The following GSE1 variants were observed in gnomAD, a reference collection of about 807,000 sequenced individuals.
GSE1 encodes genetic suppressor element 1.
GSE1 carries 32 observed loss-of-function variants against 112.6 expected under a neutral mutation model. The ratio of observed to expected loss-of-function variants is 0.28; its 90% confidence interval spans 0.21 to 0.38. GSE1 has a LOEUF of 0.38. Among genes scored for constraint, GSE1 ranks in the 10% least tolerant of loss-of-function variants. The probability of loss-of-function intolerance (pLI) is 1.00; values close to 1 mark genes in which losing one functional copy is unlikely to be tolerated. For synonymous variants in GSE1, 1,115 were observed against 735.6 expected (o/e 1.52, Z -8.35); for missense variants, 2,348 against 1,699.2 (o/e 1.38, Z -6.71).
At chr16:85,449,426 A>G (rs1431254699) in intron 2 of GSE1, among the ~76,000 whole-genome samples, 1 of 152,258 alleles carries the variant, frequency 6.6e-6, no homozygotes, top group Non-Finnish European at 1.5e-5. Flanking sequence ...GGGGCGGGGA[A>G]GATCAGAGCC....
At chr16:85,592,228 T>TCTTG (rs2047033649) in intron 1 of GSE1, 1 of 152,036 alleles carries the variant, frequency 6.6e-6, no homozygotes, top group South Asian at 2.1e-4. Flanking sequence ...CGTGGCATGA[T>TCTTG]CTTGGCTCAC....
intron 2 of GSE1, among the ~76,000 whole-genome samples, chr16:85,473,610 C>T (rs2050362791): frequency 6.6e-6 from 1 of 152,184 alleles, no homozygotes. Flanking sequence ...CGCTTTGTCT[C>T]CTTTTCTTGT....
chr16:85,532,419 C>T (rs1175281243), intron 2 of GSE1, among the ~76,000 whole-genome samples: 1 of 152,160 alleles, frequency 6.6e-6, no homozygotes, highest in Admixed American at 6.5e-5. Context: ...CGCCACCACG[C>T]CAGGCTAAAC....
intron 1 of GSE1, among the ~76,000 whole-genome samples, chr16:85,339,928 C>G (rs72809701): frequency 0.23 from 34,491 of 152,116 alleles, 4,114 homozygotes; most frequent in Non-Finnish European, 0.24. Flanking sequence ...GTGCCAAGAA[C>G]GGTGCTTGGC....
intron 1 of GSE1, among the ~76,000 whole-genome samples, chr16:85,617,485 A>G (rs1198051455): frequency 2.0e-5 from 3 of 151,172 alleles, no homozygotes; most frequent in African/African-American, 7.3e-5. Context: ...TCCTGGCTGC[A>G]CTTTTGAATC....
At chr16:85,472,582 C>G (rs2050328558) in intron 2 of GSE1, among the ~76,000 whole-genome samples, 1 of 152,186 alleles carries the variant, frequency 6.6e-6, no homozygotes, top group Admixed American at 6.5e-5. Context: ...ACGGGGTGAC[C>G]ATGCATTATG....
rs536499734 is a variant in GSE1, at chr16:85,615,061, G to A, written c.7+1663G>A. ...CGCCTCCCGGCAGGGGTGGAAGGGG[G>A]AACCCAGGTGAGCAGCCTTCCCTGG... On this transcript the variant is annotated intron_variant, in intron 1 of 15. Transcript: ENST00000253458. 5.3e-5 allele frequency among the ~76,000 whole-genome samples: 8 copies of A among 152,348 alleles called. No individual in the cohort carries two copies. In the East Asian group the frequency reaches 9.7e-4, roughly 18 times the overall value.
intron 1 of GSE1, among the ~76,000 whole-genome samples, chr16:85,321,560 G>C (rs2046107382): frequency 6.6e-6 from 1 of 152,116 alleles, no homozygotes; most frequent in African/African-American, 2.4e-5. Context: ...TTTGAGCCCG[G>C]GGGAGTTTGA....
intron 2 of GSE1, among the ~76,000 whole-genome samples, chr16:85,644,275 G>C (rs1049061339): frequency 6.6e-6 from 1 of 151,668 alleles, no homozygotes; most frequent in Non-Finnish European, 1.5e-5. Context: ...GGAGGTTGAG[G>C]CTGCAGTGAG....
chr16:85,648,028 G>A (rs1483677188), intron 2 of GSE1, among the ~76,000 whole-genome samples: 1 of 151,860 alleles, frequency 6.6e-6, no homozygotes, highest in Admixed American at 6.6e-5. Flanking sequence ...GAGGCTTGGG[G>A]TCTCTGCTGC....
chr16:85,314,602 A>G (rs1363938676), intron 1 of GSE1, among the ~76,000 whole-genome samples: 1 of 152,138 alleles, frequency 6.6e-6, no homozygotes, highest in Non-Finnish European at 1.5e-5. Context: ...ACACACCCAC[A>G]GGCTCCCTCC....
Position 85,255,069 on chromosome 16 carries a change from G to C in GSE1, c.2283+83262G>C, listed in dbSNP as rs1318748552. The stretch of plus-strand genomic sequence containing the variant: ...CCCACCGGATCCCGGTGCCGGAGCA[G>C]ATGGGCCCAGAGAGGGAGGCGGCGG... On this transcript the variant is annotated intron_variant, in intron 1 of 2. Transcript: ENST00000637419. Among the ~76,000 whole-genome samples, 3 of 151,636 alleles carry C rather than the reference G, an allele frequency of 2.0e-5. No homozygotes were observed. The Admixed American group carries it at 2.0e-4, about 10-fold the overall frequency.
chr16:85,663,695 C>T, intron 11 of GSE1, 81 bp downstream of exon 11: 4 of 1,388,134 alleles, frequency 2.9e-6, no homozygotes, highest in Non-Finnish European at 3.0e-6. Context: ...GGCCGGTGGA[C>T]TCCAGGCAGG....
At chr16:85,445,334 C>T (rs568073052) in intron 2 of GSE1, among the ~76,000 whole-genome samples, 2 of 152,344 alleles carry the variant, frequency 1.3e-5, no homozygotes, top group Non-Finnish European at 2.9e-5. Flanking sequence ...AGCGAACCCC[C>T]CCACTCTGCA....
At chr16:85,451,181 A>G (rs2049669621) in intron 2 of GSE1, among the ~76,000 whole-genome samples, 1 of 152,060 alleles carries the variant, frequency 6.6e-6, no homozygotes, top group Admixed American at 6.6e-5. Flanking sequence ...TCACAATCAT[A>G]TACAGCAAAA....
chr16:85,591,429 C>CT (rs1310058969), intron 1 of GSE1, among the ~76,000 whole-genome samples: 4 of 152,272 alleles, frequency 2.6e-5, no homozygotes, highest in African/African-American at 9.6e-5. Context: ...CCCAGTGGCT[C>CT]TAACTTTTCT....
At chr16:85,408,524 T>C (rs529954359) in intron 2 of GSE1, among the ~76,000 whole-genome samples, 21 of 33,460 alleles carry the variant, frequency 6.3e-4, no homozygotes, top group East Asian at 1.5e-3. Flanking sequence ...TCAGGCCCCC[T>C]GGATAATCCT....
At chr16:85,253,035 G>C (rs942511504) in intron 1 of GSE1, among the ~76,000 whole-genome samples, 13 of 142,380 alleles carry the variant, frequency 9.1e-5, no homozygotes, top group African/African-American at 3.4e-4. Context: ...GCAGCCAGGC[G>C]GCTCCAGCTC....
At chr16:85,222,942 T>C (rs1419270822) in intron 1 of GSE1, among the ~76,000 whole-genome samples, 2 of 152,234 alleles carry the variant, frequency 1.3e-5, no homozygotes, top group Non-Finnish European at 2.9e-5. Flanking sequence ...AAAAACTGTC[T>C]GCTATATATC....
Sources: gnomAD v4.1 joint callset for allele counts (sites outside exome capture counted in the v4.1 genomes callset) on GRCh38, gnomAD v4.1.1 for gene constraint, MANE v1.5 for transcripts, NCBI Gene and HGNC (gene_info 2026-07-23, HGNC 2026-07-21) for gene names.